Variants in RALYL observed in about 807,000 individuals in gnomAD.
The protein encoded by RALYL is RNA-binding Raly-like protein.
RALYL carries 29 observed loss-of-function variants against 35.1 expected under a neutral mutation model. That is an observed-to-expected ratio of 0.83 (90% CI 0.61 to 1.13). The LOEUF is 1.13. Among genes scored for constraint, RALYL ranks in the 50% most tolerant of loss-of-function variants. The pLI is 0.00. For missense variants in RALYL, 359 were observed against 360.4 expected, an observed-to-expected ratio of 1.00 and a Z score of 0.03; for synonymous variants, 120 against 127.6, an observed-to-expected ratio of 0.94 and a Z score of 0.40.
intron 1 of RALYL, among the ~76,000 whole-genome samples, chr8:84,231,713 T>C (rs1358339418): frequency 6.6e-6 from 1 of 152,208 alleles, no homozygotes; most frequent in African/African-American, 2.4e-5. Flanking sequence ...TCTGCAAATA[T>C]CTCTGTAGTT....
At chr8:84,746,463 AT>A (rs1808627814) in intron 2 of RALYL, among the ~76,000 whole-genome samples, 1 of 151,952 alleles carries the variant, frequency 6.6e-6, no homozygotes, top group Non-Finnish European at 1.5e-5. Flanking sequence ...GAGCATAGCC[AT>A]TTCTTCATCA....
At chr8:84,430,995 T>C (rs754233546) in intron 1 of RALYL, among the ~76,000 whole-genome samples, 1 of 152,186 alleles carries the variant, frequency 6.6e-6, no homozygotes, top group African/African-American at 2.4e-5. Context: ...TTAACATTCC[T>C]GAGTAAGAAT....
chr8:84,865,045 C>A (rs1240397447), intron 6 of RALYL: 5 of 174,920 alleles, frequency 2.9e-5, no homozygotes, highest in Non-Finnish European at 1.2e-5. Flanking sequence ...AATTCACTGG[C>A]AAGCATAACT....
chr8:84,535,752 C>T (rs1188419507), intron 2 of RALYL, among the ~76,000 whole-genome samples: 1 of 151,576 alleles, frequency 6.6e-6, no homozygotes, highest in Non-Finnish European at 1.5e-5. Flanking sequence ...GGATTACAGG[C>T]GTGAGCCACC....
intron 2 of RALYL, among the ~76,000 whole-genome samples, chr8:84,704,446 GACACACACACACAC>G (rs3068023): frequency 1.7e-4 from 18 of 104,036 alleles, no homozygotes; most frequent in African/African-American, 4.5e-4. Flanking sequence ...AATACACACA[GACACACACACACAC>G]ACACACACAC....
intron 1 of RALYL, among the ~76,000 whole-genome samples, chr8:84,321,543 A>T (rs1844810210): frequency 6.6e-6 from 1 of 152,130 alleles, no homozygotes; most frequent in African/African-American, 2.4e-5. Flanking sequence ...GTATTTGTAT[A>T]GGTTTTACAT....
intron 4 of RALYL, among the ~76,000 whole-genome samples, chr8:84,835,160 T>C (rs1489546671): frequency 6.6e-6 from 1 of 152,062 alleles, no homozygotes; most frequent in Non-Finnish European, 1.5e-5. Flanking sequence ...TGATAATTAA[T>C]GGAAGGGAAA....
At chr8:84,912,981 AGGATGGATGGATGGAT>A (rs1191228454) in intron 8 of RALYL, among the ~76,000 whole-genome samples, 3 of 121,238 alleles carry the variant, frequency 2.5e-5, no homozygotes, top group African/African-American at 6.3e-5. Flanking sequence ...GTGCAGACCC[AGGATGGATGGATGGAT>A]GGATGGATGG....
chr8:84,851,027 T>A (rs1041301981), intron 5 of RALYL, among the ~76,000 whole-genome samples: 1 of 152,238 alleles, frequency 6.6e-6, no homozygotes, highest in Non-Finnish European at 1.5e-5. Flanking sequence ...CTATTTCTTC[T>A]GTAATTTCAT....
intron 1 of RALYL, among the ~76,000 whole-genome samples, chr8:84,203,360 G>A (rs1040640066): frequency 6.6e-6 from 1 of 151,520 alleles, no homozygotes; most frequent in Non-Finnish European, 1.5e-5. Flanking sequence ...AATTTTCCCA[G>A]CAGATTTTTC....
intron 1 of RALYL, among the ~76,000 whole-genome samples, chr8:84,336,442 G>C (rs886088733): frequency 2.0e-5 from 3 of 152,048 alleles, no homozygotes; most frequent in African/African-American, 7.2e-5. Flanking sequence ...TGGGAAAAAA[G>C]TAATGTATGA....
chr8:84,919,859 G>A (rs1449219672), intron 8 of RALYL, among the ~76,000 whole-genome samples: 1 of 151,826 alleles, frequency 6.6e-6, no homozygotes, highest in Non-Finnish European at 1.5e-5. Flanking sequence ...AAGATTTGAG[G>A]GAGGCACATC....
chr8:84,341,705 A>G (rs140990997), intron 1 of RALYL, among the ~76,000 whole-genome samples: 3 of 152,126 alleles, frequency 2.0e-5, no homozygotes, highest in East Asian at 1.9e-4. Context: ...TCTTGAAAAT[A>G]TGCCCATAGA....
chr8:84,758,064 G>A (rs1417508239), intron 2 of RALYL, among the ~76,000 whole-genome samples: 1 of 152,108 alleles, frequency 6.6e-6, no homozygotes, highest in Non-Finnish European at 1.5e-5. Flanking sequence ...ATTGATGAAT[G>A]TATTCTTAGT....
intron 1 of RALYL, among the ~76,000 whole-genome samples, chr8:84,473,020 A>C (rs1288878326): frequency 2.0e-5 from 3 of 152,108 alleles, no homozygotes; most frequent in Non-Finnish European, 4.4e-5. Flanking sequence ...TGGTGAAAAA[A>C]TTAGGAAGCT....
chr8:84,689,238 C>T (rs112895926), intron 2 of RALYL, among the ~76,000 whole-genome samples: 9,062 of 152,130 alleles, frequency 0.06, 639 homozygotes, highest in African/African-American at 0.16. Flanking sequence ...AACCCCCGAC[C>T]GCACAACAGT....
rs1839177459 is a variant in RALYL at position 84,866,369 on chromosome 8, GT to G, written c.571+3917del. Among the ~76,000 whole-genome samples, 9 of 152,192 alleles carry G rather than the reference GT, an allele frequency of 5.9e-5. 1 individual carries two copies. The highest frequency in any genetic ancestry group is 5.9e-4 in the Admixed American group (9 of 15,288). ...ACCTGGAAATTGAAAATAATATACT[GT>G]GTATCCAATAGTTATTGTAAGAATT... is the stretch of plus-strand genomic sequence containing the variant. On this transcript the variant is annotated intron_variant, in intron 6 of 8. Coordinates refer to ENST00000521268, the MANE Select transcript of RALYL (RefSeq NM_173848.7).
chr8:84,896,301 C>T (rs570387196), intron 8 of RALYL, among the ~76,000 whole-genome samples: 1 of 152,266 alleles, frequency 6.6e-6, no homozygotes, highest in African/African-American at 2.4e-5. Context: ...GTCACCAAGA[C>T]CCCAAGTAAC....
chr8:84,245,688 T>C (rs576866144), intron 1 of RALYL, among the ~76,000 whole-genome samples: 11 of 152,292 alleles, frequency 7.2e-5, no homozygotes, highest in Non-Finnish European at 1.2e-4. Flanking sequence ...TTGTTAACAT[T>C]AAAGTAAACT....
Sources: allele counts gnomAD v4.1 joint callset (sites outside exome capture counted in the v4.1 genomes callset), GRCh38; gene constraint gnomAD v4.1.1; transcripts MANE v1.5; gene names NCBI Gene and HGNC (gene_info 2026-07-23, HGNC 2026-07-21).